Variants in LRRC3B observed in about 807,000 individuals in gnomAD.
LRRC3B encodes leucine rich repeat containing 3B.
Under a neutral mutation model 12.8 loss-of-function variants are expected in LRRC3B, and 2 were observed. That is an observed-to-expected ratio of 0.16 (90% CI 0.06 to 0.49). The LOEUF is 0.49. Among genes scored for constraint, LRRC3B ranks in the 20% least tolerant of loss-of-function variants. LRRC3B has a pLI of 0.96. For synonymous variants in LRRC3B, 132 were observed against 122.0 expected (o/e 1.08, Z -0.54); for missense variants, 189 against 319.4 (o/e 0.59, Z 3.11).
At chr3:26,698,496 CTCTA>C (rs1302006657) in intron 1 of LRRC3B, among the ~76,000 whole-genome samples, 7 of 152,096 alleles carry the variant, frequency 4.6e-5, no homozygotes, top group African/African-American at 1.7e-4. Flanking sequence ...ATAAGCCTTA[CTCTA>C]TCTAGGATTC....
At chr3:26,688,573 A>G (rs1700131508) in intron 1 of LRRC3B, among the ~76,000 whole-genome samples, 1 of 152,230 alleles carries the variant, frequency 6.6e-6, no homozygotes. Flanking sequence ...GCAAAGGGGA[A>G]TCAGGCATAT....
intron 1 of LRRC3B, among the ~76,000 whole-genome samples, chr3:26,706,903 C>G (rs185244259): frequency 1.3e-5 from 2 of 152,096 alleles, no homozygotes; most frequent in Non-Finnish European, 2.9e-5. Flanking sequence ...GAAGGAAAAG[C>G]GTACCTAGAC....
intron 1 of LRRC3B, among the ~76,000 whole-genome samples, chr3:26,644,756 A>T (rs1699106380): frequency 6.6e-6 from 1 of 152,206 alleles, no homozygotes; most frequent in African/African-American, 2.4e-5. Flanking sequence ...GGACCTCCAA[A>T]GTGTGATAAT....
At chr3:26,655,530 G>T (rs1699356060) in intron 1 of LRRC3B, among the ~76,000 whole-genome samples, 1 of 152,184 alleles carries the variant, frequency 6.6e-6, no homozygotes. Context: ...AGGATTATTA[G>T]TAAAGCCTGG....
At chr3:26,655,914 G>A (rs2125418599) in intron 1 of LRRC3B, among the ~76,000 whole-genome samples, 1 of 152,144 alleles carries the variant, frequency 6.6e-6, no homozygotes, top group African/African-American at 2.4e-5. Context: ...TTACAGACAA[G>A]GAAACCACGA....
At chr3:26,658,745 T>C (rs1371051470) in intron 1 of LRRC3B, among the ~76,000 whole-genome samples, 1 of 152,274 alleles carries the variant, frequency 6.6e-6, no homozygotes, top group Non-Finnish European at 1.5e-5. Context: ...ACAGTATTTT[T>C]ACAAAGTGCC....
At position 26,671,413 on chromosome 3, in the gene LRRC3B, G is replaced by GAGAGAGAGAGAGAGAC. The variant is rs9331540; in HGVS notation, c.-160-38099_-160-38098insGAGAGAGAGAGAGACA. Among the ~76,000 whole-genome samples the GAGAGAGAGAGAGAGAC allele has an allele frequency of 5.3e-3, 528 of 99,110 alleles. 57 individuals carry two copies. Among genetic ancestry groups the GAGAGAGAGAGAGAGAC allele is most frequent in the East Asian group, 6.5e-3 (17 of 2,614 alleles). The allele number at this position is 99,110 out of a possible 152,430, so 65.0% of individuals were successfully genotyped here. A position where few individuals can be genotyped will look rare whatever the true frequency, so the allele number is the denominator to read the frequency against. On this transcript the variant is annotated intron_variant, in intron 1 of 1. Coordinates refer to ENST00000396641, the Ensembl canonical transcript of LRRC3B. ...AGAGAGAGAGAGAGAGAGAGAGAGAGACGAAGTCTTGCTCTGTCGCCAGGC... is the reference window on the plus strand; with the variant it reads ...AGAGAGAGAGAGAGAGAGAGAGAGAGAGAGAGAGAGAGAGACACGAAGTCTTGCTCTGTCGCCAGGC...
chr3:26,676,382 G>A (rs533258476), intron 1 of LRRC3B, among the ~76,000 whole-genome samples: 1 of 152,110 alleles, frequency 6.6e-6, no homozygotes, highest in African/African-American at 2.4e-5. Context: ...ATGGTTTCCA[G>A]CTTCATCCGT....
intron 1 of LRRC3B, among the ~76,000 whole-genome samples, chr3:26,654,594 A>G (rs1474337325): frequency 6.6e-6 from 1 of 152,240 alleles, no homozygotes; most frequent in African/African-American, 2.4e-5. Flanking sequence ...TGTTCTAGGC[A>G]GAGAGAACAG....
intron 1 of LRRC3B, among the ~76,000 whole-genome samples, chr3:26,667,028 T>C (rs955641160): frequency 6.6e-6 from 1 of 152,062 alleles, no homozygotes; most frequent in Non-Finnish European, 1.5e-5. Flanking sequence ...GAATTAACTA[T>C]TTTTTAGTGA....
chr3:26,628,423 GAAA>G (rs35313598), intron 1 of LRRC3B, among the ~76,000 whole-genome samples: 12 of 134,124 alleles, frequency 8.9e-5, no homozygotes, highest in African/African-American at 1.1e-4. Flanking sequence ...GAAGATACTG[GAAA>G]AAAAAAAAAA....
intron 1 of LRRC3B, among the ~76,000 whole-genome samples, chr3:26,675,378 T>C (rs1454228098): frequency 6.6e-6 from 1 of 152,192 alleles, no homozygotes; most frequent in Admixed American, 6.5e-5. Context: ...CCTGGAGTAC[T>C]TGCTACCTTC....
chr3:26,708,290 A>G (rs1700654517), intron 1 of LRRC3B, among the ~76,000 whole-genome samples: 1 of 152,244 alleles, frequency 6.6e-6, no homozygotes, highest in Admixed American at 6.5e-5. Flanking sequence ...CTTGAGCTCC[A>G]TGGGGTCCTC....
intron 1 of LRRC3B, chr3:26,623,765 G>C (rs1346856659): frequency 2.0e-5 from 3 of 152,272 alleles, no homozygotes; most frequent in Non-Finnish European, 4.4e-5. Flanking sequence ...CAGCGCGATG[G>C]GAGTCAGTCC....
chr3:26,671,371 TATAGAGAG>T (rs1345766523), intron 1 of LRRC3B, among the ~76,000 whole-genome samples: 50 of 35,948 alleles, frequency 1.4e-3, no homozygotes, highest in African/African-American at 4.3e-3. Context: ...TATATATATA[TATAGAGAG>T]AGAGAGAGAG....
At position 26,633,878 on chromosome 3, in the gene LRRC3B, A is replaced by G. The variant is rs1438722893; in HGVS notation, c.-161+10641A>G. Among the ~76,000 whole-genome samples, 3 of 152,308 alleles carry G rather than the reference A, an allele frequency of 2.0e-5. No individual in the cohort carries two copies. In the East Asian group the frequency reaches 5.8e-4, roughly 29 times the overall value. ...TAAAATTTTCCTGTTGCCTGCACCA[A>G]TATAGGGAACTTTGGGTTTTCCAAA... On this transcript the variant is annotated intron_variant, in intron 1 of 1. Transcript: ENST00000396641.
At chr3:26,682,544 G>A (rs1699992567) in intron 1 of LRRC3B, among the ~76,000 whole-genome samples, 1 of 152,122 alleles carries the variant, frequency 6.6e-6, no homozygotes, top group South Asian at 2.1e-4. Flanking sequence ...TGTTCCTGGT[G>A]GGAAGATCTA....
At chr3:26,700,726 G>A (rs1359980161) in intron 1 of LRRC3B, among the ~76,000 whole-genome samples, 1 of 152,154 alleles carries the variant, frequency 6.6e-6, no homozygotes, top group Non-Finnish European at 1.5e-5. Flanking sequence ...AAAAATTAGA[G>A]TTTAGCTGTA....
chr3:26,683,316 A>G (rs1700008287), intron 1 of LRRC3B, among the ~76,000 whole-genome samples: 2 of 152,234 alleles, frequency 1.3e-5, no homozygotes, highest in African/African-American at 4.8e-5. Context: ...CAGTACCACA[A>G]CCATCTGATC....
Sources: allele counts gnomAD v4.1 joint callset (sites outside exome capture counted in the v4.1 genomes callset), GRCh38; gene constraint gnomAD v4.1.1; transcripts MANE v1.5; gene names NCBI Gene and HGNC (gene_info 2026-07-23, HGNC 2026-07-21).